Variants in COL5A2 observed in about 807,000 individuals in gnomAD.
The protein encoded by COL5A2 is collagen type V alpha 2 chain, also known as collagen alpha-2(V) chain.
A neutral mutation model predicts 208.2 loss-of-function variants in COL5A2; 23 were observed. The ratio of observed to expected loss-of-function variants is 0.11; its 90% CI spans 0.08 to 0.16. COL5A2 has a LOEUF of 0.16. Ranked by LOEUF, COL5A2 falls within the 10% of genes least tolerant of loss-of-function variation. The probability of loss-of-function intolerance (pLI) is 1.00; values close to 1 mark genes in which losing one functional copy is unlikely to be tolerated. For missense variants in COL5A2, 1,590 were observed against 1,956.4 expected, an observed-to-expected ratio of 0.81 and a Z score of 3.53; for synonymous variants, 625 against 628.5, an observed-to-expected ratio of 0.99 and a Z score of 0.08.
At chr2:189,056,297 A>G (rs1024379932) in intron 35 of COL5A2, among the ~76,000 whole-genome samples, 1 of 152,220 alleles carries the variant, frequency 6.6e-6, no homozygotes, top group Non-Finnish European at 1.5e-5. Flanking sequence ...CCAGAAAATG[A>G]TGGATGTTTA....
At chr2:189,416,680 G>C in the COL5A2 span, among the ~76,000 whole-genome samples, 40 of 152,260 alleles carry the variant, frequency 2.6e-4, no homozygotes, top group African/African-American at 9.1e-4. Flanking sequence ...CCTGCACGTT[G>C]TGCACATGTA....
the COL5A2 span, among the ~76,000 whole-genome samples, chr2:189,255,545 A>G: frequency 6.6e-6 from 1 of 152,320 alleles, no homozygotes. Context: ...ATTGCTCATG[A>G]TAAAATAATT....
At chr2:189,394,498 T>C in the COL5A2 span, among the ~76,000 whole-genome samples, 1 of 152,202 alleles carries the variant, frequency 6.6e-6, no homozygotes, top group Non-Finnish European at 1.5e-5. Flanking sequence ...ACTTCCTCTC[T>C]CTGCTCTCTA....
chr2:189,424,683 CAGAA>C, the COL5A2 span, among the ~76,000 whole-genome samples: 1 of 152,096 alleles, frequency 6.6e-6, no homozygotes, highest in African/African-American at 2.4e-5. Flanking sequence ...CATAAATAAA[CAGAA>C]AGGTACTTGT....
intron 6 of COL5A2, among the ~76,000 whole-genome samples, chr2:189,096,601 G>GACA (rs1473515388): frequency 6.8e-5 from 9 of 131,690 alleles, no homozygotes; most frequent in African/African-American, 2.6e-4. Flanking sequence ...CAGCCTGGGT[G>GACA]ACAGAGCGAG....
chr2:189,171,166 T>A (rs1184382074), intron 1 of COL5A2, among the ~76,000 whole-genome samples: 1 of 151,924 alleles, frequency 6.6e-6, no homozygotes, highest in Non-Finnish European at 1.5e-5. Flanking sequence ...CTCAAGCAAT[T>A]CCTTATTTTG....
intron 1 of COL5A2, among the ~76,000 whole-genome samples, chr2:189,205,876 G>C (rs1244342359): frequency 2.0e-5 from 3 of 152,082 alleles, no homozygotes; most frequent in Non-Finnish European, 4.4e-5. Flanking sequence ...AAAAATTGGT[G>C]GAAGTTTTAA....
chr2:189,079,130 T>C, intron 14 of COL5A2, 23 bp from the exon 15 acceptor site: 1 of 1,599,246 alleles, frequency 6.3e-7, no homozygotes, highest in Non-Finnish European at 8.6e-7. Context: ...GAGAATACAT[T>C]ACAGTATGAG....
chr2:189,283,771 T>C, the COL5A2 span, among the ~76,000 whole-genome samples: 5 of 152,138 alleles, frequency 3.3e-5, no homozygotes, highest in Admixed American at 2.6e-4. Flanking sequence ...GTGGGATATA[T>C]GGAAACTACT....
chr2:189,394,456 G>C, the COL5A2 span, among the ~76,000 whole-genome samples: 1 of 152,134 alleles, frequency 6.6e-6, no homozygotes, highest in Admixed American at 6.5e-5. Flanking sequence ...AAAGGGATTA[G>C]CGCCCATCTA....
At chr2:189,349,632 A>G in the COL5A2 span, among the ~76,000 whole-genome samples, 1 of 152,180 alleles carries the variant, frequency 6.6e-6, no homozygotes, top group Non-Finnish European at 1.5e-5. Context: ...AATATCTTGT[A>G]AATGTTTTAG....
chr2:189,049,940 G>C (rs953418326), intron 43 of COL5A2, among the ~76,000 whole-genome samples: 1 of 152,018 alleles, frequency 6.6e-6, no homozygotes, highest in African/African-American at 2.4e-5. Flanking sequence ...CCAGTTCTAA[G>C]ATCCCATACA....
chr2:189,215,669 A>G (rs1225927158), intron 1 of COL5A2, among the ~76,000 whole-genome samples: 4 of 152,122 alleles, frequency 2.6e-5, no homozygotes, highest in Non-Finnish European at 5.9e-5. Flanking sequence ...ATATATATAG[A>G]CATATACAGT....
chr2:189,052,246 A>G, intron 40 of COL5A2, 21 bp from the exon 41 acceptor site: 7 of 1,612,146 alleles, frequency 4.3e-6, no homozygotes, highest in Non-Finnish European at 5.9e-6. Flanking sequence ...AATATCATAT[A>G]AGCAATTTTT....
intron 1 of COL5A2, among the ~76,000 whole-genome samples, chr2:189,225,047 T>G (rs959223598): frequency 6.6e-5 from 10 of 152,268 alleles, no homozygotes; most frequent in African/African-American, 2.4e-4. Context: ...ATTATAAAAC[T>G]GGCAAGGAGT....
At chr2:189,200,148 G>A (rs369795591) in intron 1 of COL5A2, among the ~76,000 whole-genome samples, 27 of 152,236 alleles carry the variant, frequency 1.8e-4, no homozygotes, top group Middle Eastern at 3.4e-3. Flanking sequence ...CAGGCCCTGG[G>A]TTCTGTACCA....
chr2:189,342,833 A>AACAC, the COL5A2 span, among the ~76,000 whole-genome samples: 4 of 152,086 alleles, frequency 2.6e-5, no homozygotes, highest in African/African-American at 9.7e-5. Context: ...ACACAGTGTG[A>AACAC]AATCAACCAA....
rs144722487 is a variant in COL5A2, at chr2:189,220,216, T to A, written c.-42+4932A>T. Among the ~76,000 whole-genome samples the A allele has an allele frequency of 1.1e-4, 16 of 152,280 alleles. No homozygotes were observed. In the East Asian group the frequency reaches 3.1e-3, roughly 29 times the overall value. On this transcript the variant is annotated intron_variant, in intron 1 of 10. Transcript: ENST00000649966. ...GGGAGATCCAGGTAGTATATTGCTG[T>A]GTCCAACACAGTCATAACACCCATT...
chr2:189,188,053 G>A (rs1047896546), intron 1 of COL5A2, among the ~76,000 whole-genome samples: 6 of 151,778 alleles, frequency 4.0e-5, no homozygotes, highest in Non-Finnish European at 8.8e-5. Flanking sequence ...ACCACACTAT[G>A]TTCCACTCAC....
Sources: gnomAD v4.1 joint callset for allele counts (sites outside exome capture counted in the v4.1 genomes callset) on GRCh38, gnomAD v4.1.1 for gene constraint, MANE v1.5 for transcripts, NCBI Gene and HGNC (gene_info 2026-07-23, HGNC 2026-07-21) for gene names.